The following TMEM244 variants were observed in gnomAD, a reference collection of about 807,000 sequenced individuals.
TMEM244 encodes the protein putative transmembrane protein 244.
A neutral mutation model predicts 15.8 loss-of-function variants in TMEM244; 13 were observed. The observed-to-expected ratio is 0.82, with a 90% CI of 0.53 to 1.30. TMEM244 has a LOEUF of 1.30. Among genes scored for constraint, TMEM244 ranks in the 50% most tolerant of loss-of-function variants. The pLI is 0.00. For missense variants in TMEM244, 161 were observed against 144.9 expected (o/e 1.11, Z -0.57); for synonymous variants, 45 against 48.7 (o/e 0.92, Z 0.32).
chr6:129,842,392 C>G (rs1776503866), intron 3 of TMEM244, among the ~76,000 whole-genome samples: 1 of 152,154 alleles, frequency 6.6e-6, no homozygotes, highest in Non-Finnish European at 1.5e-5. Context: ...GTATCTTGTT[C>G]TCACATATGC....
chr6:129,852,871 C>G (rs555338127), intron 1 of TMEM244, among the ~76,000 whole-genome samples: 5 of 152,264 alleles, frequency 3.3e-5, no homozygotes, highest in African/African-American at 1.2e-4. Flanking sequence ...GCCTCTCCCC[C>G]AGCCACCTCC....
chr6:129,832,829 C>G (rs539375127), intron 4 of TMEM244, among the ~76,000 whole-genome samples: 1 of 152,282 alleles, frequency 6.6e-6, no homozygotes, highest in South Asian at 2.1e-4. Flanking sequence ...ATAAAAACCA[C>G]TTAATCTAAG....
chr6:129,835,631 G>A (rs1776394080), intron 3 of TMEM244, among the ~76,000 whole-genome samples: 1 of 152,132 alleles, frequency 6.6e-6, no homozygotes, highest in Non-Finnish European at 1.5e-5. Context: ...CAAGGGGTGG[G>A]GCGATTTCCC....
chr6:129,844,678 A>G (rs1776538515), intron 2 of TMEM244, among the ~76,000 whole-genome samples: 1 of 152,198 alleles, frequency 6.6e-6, no homozygotes, highest in South Asian at 2.1e-4. Context: ...TCCGGTGCTC[A>G]GAGAATCCTA....
At chr6:129,836,544 G>A (rs1025854351) in intron 3 of TMEM244, among the ~76,000 whole-genome samples, 2 of 152,204 alleles carry the variant, frequency 1.3e-5, no homozygotes, top group African/African-American at 4.8e-5. Context: ...TCGCCAGTGA[G>A]GGAACAAAAC....
chr6:129,845,790 C>T lies in TMEM244; in HGVS notation c.96G>A (p.Leu32=). The T allele has an allele frequency of 6.2e-7, 1 of 1,612,696 alleles. No homozygotes were observed. ...ACTCAAACATCACGCAGCCCATGCT[C>T]AGGGACACATAGTACACAGTGTAGA... ...ILFYTVYYVS[L]SMGCVMFEVH... The change falls in exon 2 of 5, where the codon CTG becomes CTA. Residue 32 remains leucine (L), a synonymous_variant. Coordinates refer to ENST00000368143, the MANE Select transcript of TMEM244 (RefSeq NM_001010876.2).
intron 1 of TMEM244, 50 bp downstream of exon 1, chr6:129,861,106 A>G (rs771215113): frequency 3.1e-6 from 5 of 1,600,902 alleles, no homozygotes; most frequent in Non-Finnish European, 4.3e-6. Flanking sequence ...CATTTACACC[A>G]GTGCTAGGCA....
intron 3 of TMEM244, among the ~76,000 whole-genome samples, chr6:129,834,972 C>A (rs1375929791): frequency 3.3e-5 from 5 of 151,906 alleles, no homozygotes; most frequent in African/African-American, 1.2e-4. Context: ...GTACAAGCTG[C>A]ATTCATGTAT....
At chr6:129,850,702 A>T (rs1776626498) in intron 1 of TMEM244, among the ~76,000 whole-genome samples, 1 of 152,256 alleles carries the variant, frequency 6.6e-6, no homozygotes, top group Non-Finnish European at 1.5e-5. Context: ...TATTTATTTA[A>T]CACAATATAT....
intron 1 of TMEM244, among the ~76,000 whole-genome samples, chr6:129,855,445 TTTCCCCAAA>T (rs1309193407): frequency 6.6e-6 from 1 of 152,116 alleles, no homozygotes; most frequent in African/African-American, 2.4e-5. Context: ...TAGTAAGTAT[TTTCCCCAAA>T]TTCTCACAGG....
intron 3 of TMEM244, among the ~76,000 whole-genome samples, chr6:129,842,823 C>T (rs950395479): frequency 2.0e-5 from 3 of 151,044 alleles, no homozygotes; most frequent in Non-Finnish European, 4.4e-5. Context: ...CACCATGAAG[C>T]TCCCCCAAAC....
At chr6:129,850,311 C>T (rs1367340191) in intron 1 of TMEM244, among the ~76,000 whole-genome samples, 1 of 152,104 alleles carries the variant, frequency 6.6e-6, no homozygotes, top group Non-Finnish European at 1.5e-5. Context: ...TTGCATGTCT[C>T]TGAAGGCCCT....
At chr6:129,842,276 G>A (rs1182715373) in intron 3 of TMEM244, among the ~76,000 whole-genome samples, 1 of 152,116 alleles carries the variant, frequency 6.6e-6, no homozygotes, top group African/African-American at 2.4e-5. Context: ...TCTTTACTGG[G>A]ACTATTTTCT....
chr6:129,843,454 T>A (rs76289085), intron 3 of TMEM244, 76 bp downstream of exon 3: 3 of 1,037,984 alleles, frequency 2.9e-6, no homozygotes, highest in African/African-American at 3.3e-5. Context: ...TATTTAAAAT[T>A]TTTTTATTAA....
At chr6:129,849,542 C>T (rs1004842066) in intron 1 of TMEM244, among the ~76,000 whole-genome samples, 27 of 152,046 alleles carry the variant, frequency 1.8e-4, no homozygotes, top group African/African-American at 5.8e-4. Flanking sequence ...GGATGTGGTC[C>T]AAGCCGTAGG....
chr6:129,850,227 G>A (rs2114643036), intron 1 of TMEM244, among the ~76,000 whole-genome samples: 1 of 152,302 alleles, frequency 6.6e-6, no homozygotes, highest in African/African-American at 2.4e-5. Flanking sequence ...CCTTGATGGA[G>A]AGGGGTTTTG....
chr6:129,859,795 C>T (rs1408578622), intron 1 of TMEM244, among the ~76,000 whole-genome samples: 1 of 152,180 alleles, frequency 6.6e-6, no homozygotes, highest in Non-Finnish European at 1.5e-5. Context: ...ATTGCATGCA[C>T]TCAATAAATG....
At chr6:129,849,000 A>G (rs1016358499) in intron 1 of TMEM244, among the ~76,000 whole-genome samples, 2 of 152,106 alleles carry the variant, frequency 1.3e-5, no homozygotes, top group Non-Finnish European at 2.9e-5. Flanking sequence ...TTCACTTACT[A>G]TAAAATTTTC....
intron 4 of TMEM244, among the ~76,000 whole-genome samples, 181 bp downstream of exon 4, chr6:129,833,279 T>C (rs562466346): frequency 1.3e-5 from 2 of 152,258 alleles, no homozygotes; most frequent in South Asian, 2.1e-4. Flanking sequence ...AAAACCTCCC[T>C]GAGAAGAGTG....
Sources: gnomAD v4.1 joint callset for allele counts (sites outside exome capture counted in the v4.1 genomes callset) on GRCh38, gnomAD v4.1.1 for gene constraint, MANE v1.5 for transcripts, NCBI Gene and HGNC (gene_info 2026-07-23, HGNC 2026-07-21) for gene names.